REPS1: variants seen among roughly 807,000 people sequenced by gnomAD.
REPS1 encodes ralBP1-associated Eps domain-containing protein 1.
Under a neutral mutation model 100.9 loss-of-function variants are expected in REPS1, and 39 were observed. The ratio of observed to expected loss-of-function variants is 0.39; its 90% confidence interval spans 0.30 to 0.50. The LOEUF is 0.50. REPS1 is among the 20% of genes least tolerant of loss of function. The pLI is 0.86. For missense variants in REPS1, 821 were observed against 968.5 expected, an observed-to-expected ratio of 0.85 and a Z score of 2.02; for synonymous variants, 324 against 340.3, an observed-to-expected ratio of 0.95 and a Z score of 0.53.
At chr6:138,944,062 T>A in intron 5 of REPS1, 47 bp from the exon 6 acceptor site, 1 of 1,548,102 alleles carries the variant, frequency 6.5e-7, no homozygotes, top group Non-Finnish European at 8.9e-7. Flanking sequence ...CCTACATGAT[T>A]ATATGGACCA....
intron 1 of REPS1, among the ~76,000 whole-genome samples, chr6:138,948,274 A>G (rs1272494957): frequency 6.6e-6 from 1 of 152,196 alleles, no homozygotes; most frequent in Non-Finnish European, 1.5e-5. Context: ...GCAGCCATTT[A>G]AAGTGACGGT....
intron 1 of REPS1, among the ~76,000 whole-genome samples, chr6:138,984,074 C>T (rs59483488): frequency 6.7e-6 from 1 of 148,312 alleles, no homozygotes. Context: ...ATCTCTCTCT[C>T]TCTCTTTTTT....
intron 1 of REPS1, among the ~76,000 whole-genome samples, chr6:138,959,648 A>G (rs981253363): frequency 3.3e-4 from 50 of 152,300 alleles, no homozygotes; most frequent in African/African-American, 1.2e-3. Flanking sequence ...CGACTTATAA[A>G]TGTACAACAC....
chr6:138,945,457 T>C (rs188309122), intron 3 of REPS1, 44 bp downstream of exon 3: 20 of 1,581,736 alleles, frequency 1.3e-5, no homozygotes, highest in African/African-American at 1.4e-5. Flanking sequence ...AGTGAAGCAT[T>C]TGCACAGGGC....
At chr6:138,914,020 T>C (rs1363880561) in intron 15 of REPS1, among the ~76,000 whole-genome samples, 1 of 152,198 alleles carries the variant, frequency 6.6e-6, no homozygotes, top group Admixed American at 6.5e-5. Flanking sequence ...TTATACTTCC[T>C]TAACTCATGT....
Position 138,987,560 on chromosome 6 carries a change from G to T in REPS1, c.123C>A (p.Ala41=). ...VNGRVLELFR[A]AQLPNDVVLQ... is the part of the protein sequence containing the mutation. ...GGACCACGTCGTTCGGCAGCTGCGC[G>T]GCCCGGAACAGCTCCAGCACCCGCC... is the stretch of plus-strand genomic sequence containing the variant. The change falls in exon 1 of 20, where the codon GCC becomes GCA. Residue 41 remains alanine (A), a synonymous_variant. Coordinates refer to ENST00000450536, the MANE Select transcript of REPS1 (RefSeq NM_001286611.2). The T allele has an allele frequency of 6.5e-7, 1 of 1,550,050 alleles. No homozygotes were observed. The highest frequency in any genetic ancestry group is 1.2e-5 in the South Asian group (1 of 84,016).
rs568854066 is a variant in REPS1, at chr6:138,915,998, A to G, written c.1602-22T>C. On this transcript the variant is annotated intron_variant, in intron 13 of 19. Coordinates refer to ENST00000450536, the MANE Select transcript of REPS1 (RefSeq NM_001286611.2). ...AGACCTGCAAAATTCACCCCATGAT[A>G]ATTGGTCATACTACTGATATCAGAG... 1.1e-5 allele frequency: 17 copies of G among 1,534,906 alleles called. No individual in the cohort carries two copies. In the East Asian group the frequency reaches 3.8e-4, roughly 35 times the overall value.
intron 17 of REPS1, chr6:138,910,985 T>A (rs1779967192): frequency 4.6e-6 from 1 of 218,294 alleles, no homozygotes; most frequent in Non-Finnish European, 9.0e-6. Context: ...TTTATTATAT[T>A]GAAGACTACA....
At chr6:138,918,932 G>A (rs1390117375) in intron 12 of REPS1, among the ~76,000 whole-genome samples, 1 of 152,056 alleles carries the variant, frequency 6.6e-6, no homozygotes, top group Non-Finnish European at 1.5e-5. Context: ...TAAGCTGAAG[G>A]GACTGGTTAT....
intron 1 of REPS1, among the ~76,000 whole-genome samples, chr6:138,968,331 G>A (rs1429692237): frequency 6.6e-6 from 1 of 152,222 alleles, no homozygotes; most frequent in African/African-American, 2.4e-5. Flanking sequence ...ATTGAGTGGT[G>A]TGTCAGTACT....
At chr6:138,907,178 G>A in intron 19 of REPS1, among the ~76,000 whole-genome samples, 1 of 151,860 alleles carries the variant, frequency 6.6e-6, no homozygotes, top group East Asian at 1.9e-4. Context: ...TTGATAAAAG[G>A]ACAAACTAGG....
chr6:138,918,415 A>G (rs1206846250), intron 12 of REPS1, among the ~76,000 whole-genome samples: 1 of 152,194 alleles, frequency 6.6e-6, no homozygotes, highest in Non-Finnish European at 1.5e-5. Flanking sequence ...CCTGGAACCA[A>G]TTCCCTAAAC....
At chr6:138,965,642 G>A (rs1484160259) in intron 1 of REPS1, among the ~76,000 whole-genome samples, 1 of 152,106 alleles carries the variant, frequency 6.6e-6, no homozygotes, top group Non-Finnish European at 1.5e-5. Flanking sequence ...GCATAAACCA[G>A]GACTGTCTTA....
At chr6:138,912,424 G>A (rs972076782) in intron 16 of REPS1, among the ~76,000 whole-genome samples, 1 of 152,160 alleles carries the variant, frequency 6.6e-6, no homozygotes, top group Non-Finnish European at 1.5e-5. Flanking sequence ...GCAATGAGTG[G>A]AGCTATGGTA....
intron 1 of REPS1, among the ~76,000 whole-genome samples, chr6:138,965,368 T>TA (rs949907705): frequency 2.3e-3 from 331 of 147,004 alleles, no homozygotes; most frequent in African/African-American, 7.4e-3. Context: ...AAAAAGGCTT[T>TA]AAAAAAAAAA....
intron 1 of REPS1, among the ~76,000 whole-genome samples, chr6:138,968,779 C>T (rs1167912328): frequency 6.6e-6 from 1 of 152,206 alleles, no homozygotes; most frequent in African/African-American, 2.4e-5. Context: ...AATGTGCTTA[C>T]AGCCACATCA....
At chr6:138,912,507 C>T (rs1780075766) in intron 16 of REPS1, among the ~76,000 whole-genome samples, 1 of 152,192 alleles carries the variant, frequency 6.6e-6, no homozygotes, top group Non-Finnish European at 1.5e-5. Context: ...GATGGAAACC[C>T]CCAAAGCAGC....
In REPS1 at chr6:138,958,616, A is replaced by G. The variant is rs1783547620; in HGVS notation, c.154-10703T>C. On this transcript the variant is annotated intron_variant, in intron 1 of 19. Coordinates refer to ENST00000450536, the MANE Select transcript of REPS1 (RefSeq NM_001286611.2). Reference sequence around the variant, plus strand: ...AAGCATATAGATTTTTGACAATGCAAATTTTGTAAACATATTAGTACATTG... The same window carrying G: ...AAGCATATAGATTTTTGACAATGCAGATTTTGTAAACATATTAGTACATTG... 2.0e-5 allele frequency among the ~76,000 whole-genome samples: 3 copies of G among 152,162 alleles called. No individual in the cohort carries two copies. The South Asian group carries it at 6.2e-4, about 31-fold the overall frequency.
In REPS1 at chr6:138,912,893, T is replaced by C. The variant is rs138796066; in HGVS notation, c.1843A>G (p.Ser615Gly). The C allele has an allele frequency of 3.8e-5, 61 of 1,614,098 alleles. No individual in the cohort carries two copies. In the East Asian group the frequency reaches 1.3e-3, roughly 34 times the overall value. Residue 615 changes from serine to glycine, a missense_variant, in exon 16 of 20, where the codon AGT becomes GGT. Transcript: ENST00000450536. ...VDADGLITHT[S>G]TSPQQIPEQP... ...TCTGGTATCTGCTGAGGTGAGGTACTAGTGTGAGTTATGAGGCCATCGGCA... is the reference window on the plus strand; with the variant it reads ...TCTGGTATCTGCTGAGGTGAGGTACCAGTGTGAGTTATGAGGCCATCGGCA...
Sources: gnomAD v4.1 joint callset for allele counts (sites outside exome capture counted in the v4.1 genomes callset) on GRCh38, gnomAD v4.1.1 for gene constraint, MANE v1.5 for transcripts, NCBI Gene and HGNC (gene_info 2026-07-23, HGNC 2026-07-21) for gene names.